Variants in ZNF280C observed in about 807,000 individuals in gnomAD.
ZNF280C encodes zinc finger protein 280C, also known as suppressor of hairy wing homolog 3.
ZNF280C carries 14 observed loss-of-function variants against 53.6 expected under a neutral mutation model. The observed-to-expected ratio is 0.26, with a 90% CI of 0.17 to 0.41. The LOEUF is 0.41. Among genes scored for constraint, ZNF280C ranks in the 10% least tolerant of loss-of-function variants. The probability of loss-of-function intolerance (pLI) is 1.00; values close to 1 mark genes in which losing one functional copy is unlikely to be tolerated. For synonymous variants in ZNF280C, 203 were observed against 181.1 expected, an observed-to-expected ratio of 1.12 and a Z score of -0.97; for missense variants, 416 against 547.1, an observed-to-expected ratio of 0.76 and a Z score of 2.39.
intron 2 of ZNF280C, 138 bp downstream of exon 2, chrX:130,260,281 C>CA (rs1248116643): frequency 5.7e-5 from 21 of 368,295 alleles, no homozygotes; most frequent in African/African-American, 5.3e-4. Context: ...GACTCTGTCT[C>CA]AAAAAAATAA....
At chrX:130,265,841 A>G (rs1393478571) in intron 1 of ZNF280C, among the ~76,000 whole-genome samples, 1 of 112,642 alleles carries the variant, frequency 8.9e-6, no homozygotes, top group East Asian at 2.8e-4. Context: ...ACCTGAAGTC[A>G]TACCGTTAAG....
At chrX:130,264,413 A>C (rs1451129249) in intron 1 of ZNF280C, among the ~76,000 whole-genome samples, 1 of 111,998 alleles carries the variant, frequency 8.9e-6, no homozygotes, top group African/African-American at 3.2e-5. Context: ...ACCTCTCAGG[A>C]AAATAGATAT....
intron 8 of ZNF280C, among the ~76,000 whole-genome samples, chrX:130,235,457 G>A (rs1205550469): frequency 8.9e-6 from 1 of 112,062 alleles, no homozygotes; most frequent in Non-Finnish European, 1.9e-5. Context: ...AATGTTGCAG[G>A]GAGCCAAGAT....
intron 9 of ZNF280C, among the ~76,000 whole-genome samples, chrX:130,229,357 TGTA>T (rs1200143408): frequency 2.0e-4 from 22 of 112,388 alleles, no homozygotes; most frequent in African/African-American, 7.1e-4. Context: ...AATCCATTAA[TGTA>T]GTAGTATGAA....
At chrX:130,233,501 G>A (rs5977229) in intron 8 of ZNF280C, among the ~76,000 whole-genome samples, 51,717 of 107,151 alleles carry the variant, frequency 0.48, 9,841 homozygotes, top group African/African-American at 0.68. Flanking sequence ...CTGTAATCCC[G>A]GTTACTCAGA....
At chrX:130,232,369 T>C (rs150721925) in intron 8 of ZNF280C, among the ~76,000 whole-genome samples, 344 of 108,763 alleles carry the variant, frequency 3.2e-3, no homozygotes, top group African/African-American at 0.011. Context: ...TTATTTATTG[T>C]ATATATTTTA....
At position 130,261,734 on chromosome X, in the gene ZNF280C, G is replaced by T. The variant is rs1222322539; in HGVS notation, c.-16-1269C>A. Among the ~76,000 whole-genome samples the T allele has an allele frequency of 2.7e-5, 3 of 111,989 alleles. No homozygotes were observed. The East Asian group carries it at 8.3e-4, about 31-fold the overall frequency. On this transcript the variant is annotated intron_variant, in intron 1 of 18. Transcript: ENST00000370978. Reference sequence around the variant, plus strand: ...ATGACCATTCTTGCTCAACATTAAGGATCTATTGCTACCAAGAGCACAGAA... The same window carrying T: ...ATGACCATTCTTGCTCAACATTAAGTATCTATTGCTACCAAGAGCACAGAA...
At position 130,205,376 on chromosome X, in the gene ZNF280C, A is replaced by G; in HGVS notation, c.2082T>C (p.Ala694=). The change falls in exon 17 of 19, where the codon GCT becomes GCC. Residue 694 remains alanine, a synonymous_variant. Coordinates refer to ENST00000370978, the MANE Select transcript of ZNF280C (RefSeq NM_017666.5). ...CCATACGATCTAAGCCGGAAGAATC[A>G]GCTAGGAAATCACATTTAAGGCACA... is the stretch of plus-strand genomic sequence containing the variant. ...TLVCLKCDFL[A]DSSGLDRMAK... is the part of the protein sequence containing the mutation. 8.3e-7 allele frequency: 1 copy of G among 1,208,704 alleles called. No homozygotes were observed. Among genetic ancestry groups the G allele is most frequent in the Non-Finnish European group, 1.1e-6 (1 of 893,749 alleles).
chrX:130,204,352 T>C lies in ZNF280C; in HGVS notation c.*625A>G, dbSNP rs2031948035. The C allele has an allele frequency of 8.9e-6, 1 of 112,330 alleles. No homozygotes were observed. Among genetic ancestry groups the C allele is most frequent in the Non-Finnish European group, 1.9e-5 (1 of 53,287 alleles). The allele number at this position is 112,330 out of a possible 1,213,427, so 9.3% of individuals were successfully genotyped here. ...TCTCTGGCCAAATCAGCATCAGCCT[T>C]ATGGGAGGTCAGTCAGGTAGGAAGG... On this transcript the variant is annotated 3_prime_UTR_variant, in exon 19 of 19. Coordinates refer to ENST00000370978, the MANE Select transcript of ZNF280C (RefSeq NM_017666.5).
At chrX:130,226,716 T>C in intron 12 of ZNF280C, 43 bp downstream of exon 12, 1 of 1,169,170 alleles carries the variant, frequency 8.6e-7, no homozygotes, top group East Asian at 3.0e-5. Flanking sequence ...TCTATATCTT[T>C]TCACTAAGAC....
chrX:130,247,117 T>A, intron 2 of ZNF280C, 112 bp from the exon 3 acceptor site: 1 of 772,512 alleles, frequency 1.3e-6, no homozygotes, highest in Non-Finnish European at 1.8e-6. Flanking sequence ...TAGCAATTAC[T>A]GACTTGATAT....
intron 5 of ZNF280C, 71 bp from the exon 6 acceptor site, chrX:130,239,764 T>C: frequency 1.8e-6 from 1 of 552,808 alleles, no homozygotes; most frequent in Non-Finnish European, 2.9e-6. Context: ...GTCAATACTA[T>C]AAAGAATCTT....
intron 3 of ZNF280C, among the ~76,000 whole-genome samples, chrX:130,244,777 TAAAAAAAAA>T (rs58124928): frequency 1.5e-5 from 1 of 65,455 alleles, no homozygotes; most frequent in Admixed American, 2.0e-4. Context: ...GACTCCATCT[TAAAAAAAAA>T]AAAAAAAAAA....
At chrX:130,256,929 G>A (rs112142517) in intron 2 of ZNF280C, among the ~76,000 whole-genome samples, 1 of 108,377 alleles carries the variant, frequency 9.2e-6, no homozygotes, top group Non-Finnish European at 1.9e-5. Context: ...GGCCAGGCGC[G>A]GTGGCTCACA....
At chrX:130,257,642 G>A (rs1319726859) in intron 2 of ZNF280C, among the ~76,000 whole-genome samples, 1 of 111,023 alleles carries the variant, frequency 9.0e-6, no homozygotes, top group Non-Finnish European at 1.9e-5. Flanking sequence ...AAAAAACAGG[G>A]AGTATATAGG....
chrX:130,268,653 C>A (rs1466483578), intron 1 of ZNF280C, 109 bp downstream of exon 1: 1 of 112,635 alleles, frequency 8.9e-6, no homozygotes, highest in Non-Finnish European at 1.9e-5. Context: ...GGCATAGAGA[C>A]CCTCAGCCAG....
chrX:130,212,023 G>T (rs1041797733), intron 15 of ZNF280C, among the ~76,000 whole-genome samples: 14 of 111,497 alleles, frequency 1.3e-4, no homozygotes, highest in Non-Finnish European at 2.4e-4. Flanking sequence ...GAGAAACTGG[G>T]GTATAGGTGC....
At chrX:130,219,777 A>G (rs1218140343) in intron 13 of ZNF280C, among the ~76,000 whole-genome samples, 3 of 110,521 alleles carry the variant, frequency 2.7e-5, no homozygotes, top group African/African-American at 9.9e-5. Flanking sequence ...ACACACTGAC[A>G]ACTGGAATAG....
At chrX:130,250,027 T>C (rs778731850) in intron 2 of ZNF280C, among the ~76,000 whole-genome samples, 28 of 111,871 alleles carry the variant, frequency 2.5e-4, no homozygotes, top group Non-Finnish European at 4.5e-4. Flanking sequence ...TAAGTATTAA[T>C]AGCGGAATAG....
Sources: gnomAD v4.1 joint callset for allele counts (sites outside exome capture counted in the v4.1 genomes callset) on GRCh38, gnomAD v4.1.1 for gene constraint, MANE v1.5 for transcripts, NCBI Gene and HGNC (gene_info 2026-07-23, HGNC 2026-07-21) for gene names.